The following FBXO34 variants were observed in gnomAD, a reference collection of about 807,000 sequenced individuals.
FBXO34 encodes the protein F-box protein 34, also known as F-box only protein 34.
In FBXO34, 12 loss-of-function variants were observed where a neutral mutation model predicts 24.5. The observed-to-expected ratio is 0.49, with a 90% CI of 0.31 to 0.79. The LOEUF is 0.79. FBXO34 is among the 30% of genes least tolerant of loss of function. The pLI is 0.04. For missense variants in FBXO34, 823 were observed against 857.7 expected, an observed-to-expected ratio of 0.96 and a Z score of 0.51; for synonymous variants, 320 against 311.9, an observed-to-expected ratio of 1.03 and a Z score of -0.27.
the FBXO34 span, chr14:55,414,383 G>C: frequency 1.2e-6 from 2 of 1,600,784 alleles, no homozygotes; most frequent in Admixed American, 3.5e-5. Context: ...ATATGCTCAG[G>C]CTTTTTTAAA....
the FBXO34 span, among the ~76,000 whole-genome samples, chr14:55,429,262 G>A: frequency 1.3e-5 from 2 of 152,164 alleles, no homozygotes; most frequent in Non-Finnish European, 2.9e-5. Context: ...TTGCTAAAAC[G>A]ATTCCAAGGA....
downstream of FBXO34, among the ~76,000 whole-genome samples, chr14:55,363,153 G>C (rs1884616520): frequency 1.3e-5 from 2 of 150,120 alleles, no homozygotes; most frequent in African/African-American, 2.5e-5. Flanking sequence ...CTCCTGAGTA[G>C]TTGGGATTAC....
chr14:55,433,553 G>T, the FBXO34 span: 1 of 1,377,398 alleles, frequency 7.3e-7, no homozygotes, highest in Non-Finnish European at 1.0e-6. Context: ...ATGTGCTTTA[G>T]CACATTAATT....
At chr14:55,414,139 G>A in the FBXO34 span, 1 of 538,430 alleles carries the variant, frequency 1.9e-6, no homozygotes, top group East Asian at 3.8e-5. Context: ...TATCATTCTA[G>A]TGAGACCCTA....
the FBXO34 span, among the ~76,000 whole-genome samples, chr14:55,421,958 G>C: frequency 6.6e-6 from 1 of 152,138 alleles, no homozygotes; most frequent in Non-Finnish European, 1.5e-5. Context: ...TAAAATTCTA[G>C]TTTGGAGGAA....
chr14:55,374,216 G>GTTTT (rs112314795), downstream of FBXO34, among the ~76,000 whole-genome samples: 27 of 151,332 alleles, frequency 1.8e-4, no homozygotes, highest in East Asian at 1.2e-3. Context: ...TTATTTTAAT[G>GTTTT]TTTTTTTTTA....
the FBXO34 span, chr14:55,390,764 A>G: frequency 1.6e-6 from 1 of 610,916 alleles, no homozygotes; most frequent in African/African-American, 1.9e-5. Context: ...AATGTTTTAC[A>G]AGGAAAGATG....
the FBXO34 span, among the ~76,000 whole-genome samples, chr14:55,380,093 C>A: frequency 0.014 from 2,096 of 152,118 alleles, 56 homozygotes; most frequent in African/African-American, 0.048. Context: ...CCTAGAAATA[C>A]AAAAATTAGC....
rs551411523 is a variant in FBXO34, at chr14:55,280,762, G to A, written c.-11+9225G>A. On this transcript the variant is annotated intron_variant, in intron 1 of 1. Transcript: ENST00000313833. ...AGGATGGTCTCGATCTCCTGACCTC[G>A]TGATCCTCCCGCCTCAGCCTTCCGA... Among the ~76,000 whole-genome samples, 14 of 151,968 alleles carry A rather than the reference G, an allele frequency of 9.2e-5. No homozygotes were observed. The East Asian group carries it at 1.2e-3, about 13-fold the overall frequency.
intron 1 of FBXO34, among the ~76,000 whole-genome samples, chr14:55,348,228 T>G (rs555385536): frequency 6.6e-6 from 1 of 152,266 alleles, no homozygotes; most frequent in East Asian, 1.9e-4. Context: ...GTTGGGTTTT[T>G]TTGTTGTTGT....
chr14:55,431,271 C>A, the FBXO34 span, among the ~76,000 whole-genome samples: 1 of 152,300 alleles, frequency 6.6e-6, no homozygotes, highest in South Asian at 2.1e-4. Context: ...ATTATCTGAA[C>A]TCATTATCCA....
intron 1 of FBXO34, among the ~76,000 whole-genome samples, chr14:55,322,802 T>C (rs1883184698): frequency 6.6e-6 from 1 of 152,062 alleles, no homozygotes; most frequent in East Asian, 1.9e-4. Flanking sequence ...CCAACTAAGA[T>C]TATAAAGCAT....
chr14:55,278,107 T>G (rs1881404845), intron 1 of FBXO34, among the ~76,000 whole-genome samples: 1 of 152,070 alleles, frequency 6.6e-6, no homozygotes. Context: ...GGACTGTTGT[T>G]TCTGTTCTCT....
Position 55,324,612 on chromosome 14 carries a change from A to AT in FBXO34, c.-10-25760dup, listed in dbSNP as rs999149040. On this transcript the variant is annotated intron_variant, in intron 1 of 1. Coordinates refer to ENST00000313833, the MANE Select transcript of FBXO34 (RefSeq NM_017943.4). ...ACATGTAGTTTGCAAGTAATGATAG[A>AT]TTTTTTTTTCTCAGTAATATGATAG... is the stretch of plus-strand genomic sequence containing the variant. Among the ~76,000 whole-genome samples, 23 of 150,850 alleles carry AT rather than the reference A, an allele frequency of 1.5e-4. No homozygotes were observed. The East Asian group carries it at 1.8e-3, about 12-fold the overall frequency.
chr14:55,323,508 G>C (rs566149505), intron 1 of FBXO34, among the ~76,000 whole-genome samples: 1 of 151,482 alleles, frequency 6.6e-6, no homozygotes, highest in African/African-American at 2.4e-5. Flanking sequence ...TCAGCCTCCC[G>C]AGTAGCTGGG....
chr14:55,374,182 T>C (rs781355282), downstream of FBXO34, among the ~76,000 whole-genome samples: 1 of 152,174 alleles, frequency 6.6e-6, no homozygotes, highest in Non-Finnish European at 1.5e-5. Flanking sequence ...GAAACTTGTT[T>C]TGAATTGCAT....
intron 3 of FBXO34, among the ~76,000 whole-genome samples, chr14:55,359,820 C>G (rs1439642994): frequency 6.6e-6 from 1 of 151,204 alleles, no homozygotes; most frequent in Non-Finnish European, 1.5e-5. Context: ...CAGTTTCTGC[C>G]AGTAATCTCA....
the FBXO34 span, chr14:55,377,883 G>A: frequency 1.9e-6 from 3 of 1,606,454 alleles, no homozygotes; most frequent in Non-Finnish European, 2.5e-6. Flanking sequence ...TGCAGTGGTT[G>A]TAATTGATCT....
chr14:55,320,630 C>T (rs1349090414), intron 1 of FBXO34, among the ~76,000 whole-genome samples: 3 of 151,970 alleles, frequency 2.0e-5, no homozygotes, highest in Non-Finnish European at 2.9e-5. Flanking sequence ...TGGTAGTGGG[C>T]GCCTGTAGTC....
Sources: allele counts gnomAD v4.1 joint callset (sites outside exome capture counted in the v4.1 genomes callset), GRCh38; gene constraint gnomAD v4.1.1; transcripts MANE v1.5; gene names NCBI Gene and HGNC (gene_info 2026-07-23, HGNC 2026-07-21).